SYNE1: variants seen among roughly 807,000 people sequenced by gnomAD.
SYNE1 encodes the protein spectrin repeat containing nuclear envelope protein 1, also known as nesprin-1.
Under a neutral mutation model 1,111.0 loss-of-function variants are expected in SYNE1, and 616 were observed. The ratio of observed to expected loss-of-function variants is 0.55; its 90% CI spans 0.52 to 0.59. The LOEUF (loss-of-function observed/expected upper bound fraction) is 0.59, where lower values mean the gene tolerates loss of function less well. Ranked by LOEUF, SYNE1 falls within the 20% of genes least tolerant of loss-of-function variation. The pLI, the probability that SYNE1 is intolerant of heterozygous loss-of-function variation, is 0.00. For synonymous variants in SYNE1, 3,855 were observed against 3,825.8 expected, an observed-to-expected ratio of 1.01 and a Z score of -0.28; for missense variants, 10,006 against 10,417.0, an observed-to-expected ratio of 0.96 and a Z score of 1.72.
intron 95 of SYNE1, among the ~76,000 whole-genome samples, chr6:152,284,880 G>A (rs944100107): frequency 1.3e-5 from 2 of 151,864 alleles, no homozygotes; most frequent in Non-Finnish European, 2.9e-5. Flanking sequence ...AAACTCACAT[G>A]GTTTCTCACA....
intron 58 of SYNE1, among the ~76,000 whole-genome samples, chr6:152,373,529 C>G (rs1563480885): frequency 6.6e-6 from 1 of 152,114 alleles, no homozygotes; most frequent in Non-Finnish European, 1.5e-5. Context: ...ATCTGCCCAC[C>G]TTGGCATCCC....
chr6:152,286,343 G>C (rs1274000570), intron 95 of SYNE1, among the ~76,000 whole-genome samples: 3 of 152,072 alleles, frequency 2.0e-5, no homozygotes, highest in African/African-American at 7.2e-5. Flanking sequence ...AATATCAGGG[G>C]ACTTTGGCCC....
Position 152,352,090 on chromosome 6 carries a change from T to C in SYNE1, c.11517A>G (p.Leu3839=), listed in dbSNP as rs1186721634. ...TQWIAEYQEI[L]HVPEEPKMEL... ...CCATTTTGGGTTCTTCAGGAACATGTAGAATTTCCTGGTATTCTGCTATCC... is the reference window on the plus strand; with the variant it reads ...CCATTTTGGGTTCTTCAGGAACATGCAGAATTTCCTGGTATTCTGCTATCC... The change falls in exon 70 of 146, where the codon CTA becomes CTG. Residue 3839 remains leucine, a synonymous_variant. Coordinates refer to ENST00000367255, the MANE Select transcript of SYNE1 (RefSeq NM_182961.4). 6.2e-7 allele frequency: 1 copy of C among 1,614,122 alleles called. No homozygotes were observed. The highest frequency in any genetic ancestry group is 1.7e-5 in the Admixed American group (1 of 60,004).
At position 152,348,212 on chromosome 6, in the gene SYNE1, T is replaced by C. The variant is rs114504433; in HGVS notation, c.11902-977A>G. Among the ~76,000 whole-genome samples the C allele has an allele frequency of 3.1e-3, 472 of 152,286 alleles. 4 individuals carry two copies. The highest frequency in any genetic ancestry group is 0.011 in the African/African-American group (459 of 41,568). On this transcript the variant is annotated intron_variant, in intron 72 of 145. Transcript: ENST00000367255. Reference sequence around the variant, plus strand: ...TAAGCCTGACGAATGTGTATTATCATTGTTTTATAGATGAGGAAACTGAAT... The same window carrying C: ...TAAGCCTGACGAATGTGTATTATCACTGTTTTATAGATGAGGAAACTGAAT...
chr6:152,458,700 C>A, intron 22 of SYNE1, 57 bp downstream of exon 22: 1 of 1,575,784 alleles, frequency 6.3e-7, no homozygotes, highest in African/African-American at 1.3e-5. Flanking sequence ...TAAGCAACAC[C>A]CTGGTCTTGT....
intron 3 of SYNE1, among the ~76,000 whole-genome samples, chr6:152,591,370 T>C (rs9478340): frequency 0.038 from 5,765 of 152,138 alleles, 370 homozygotes; most frequent in African/African-American, 0.13. Flanking sequence ...CCTACAACCA[T>C]CTGATCTTCA....
chr6:152,607,361 C>A (rs185367814), intron 3 of SYNE1, among the ~76,000 whole-genome samples: 5 of 152,072 alleles, frequency 3.3e-5, no homozygotes, highest in Non-Finnish European at 5.9e-5. Context: ...GTAAGGAAGT[C>A]CTATAGAAAA....
At position 152,302,211 on chromosome 6, in the gene SYNE1, G is replaced by C. The variant is rs1365348507; in HGVS notation, c.17347-148C>G. 5 of 1,044,946 alleles carry C rather than the reference G, an allele frequency of 4.8e-6. No individual in the cohort carries two copies. The Admixed American group carries it at 9.9e-5, about 21-fold the overall frequency. The allele number at this position is 1,044,946 out of a possible 1,614,324, so 64.7% of individuals were successfully genotyped here. A position where few individuals can be genotyped will look rare whatever the true frequency, so the allele number is the denominator to read the frequency against. ...GGATGTGTAGGCGGCGAGTCCTCCT[G>C]CATCTCGCTACCGAGCCAGACCGCA... On this transcript the variant is annotated intron_variant, in intron 91 of 145. Transcript: ENST00000367255.
At chr6:152,144,762 T>G (rs954887330) in intron 137 of SYNE1, 2 of 153,158 alleles carry the variant, frequency 1.3e-5, no homozygotes, top group Admixed American at 1.3e-4. Flanking sequence ...ATCACTGCGT[T>G]CAAACTCTAT....
chr6:152,299,861 A>G lies in SYNE1; in HGVS notation c.17682+780T>C, dbSNP rs147532703. Reference sequence around the variant, plus strand: ...CATATCAACTTCTTTGAAAAAATGTAATTTCATAGAATAGTTTACATTTTT... The same window carrying G: ...CATATCAACTTCTTTGAAAAAATGTGATTTCATAGAATAGTTTACATTTTT... On this transcript the variant is annotated intron_variant, in intron 93 of 145. Transcript: ENST00000367255. Among the ~76,000 whole-genome samples, 847 of 152,306 alleles carry G rather than the reference A, an allele frequency of 5.6e-3. 9 individuals carry two copies. The highest frequency in any genetic ancestry group is 0.02 in the African/African-American group (821 of 41,564).
chr6:152,534,210 A>C (rs560731361), intron 4 of SYNE1, among the ~76,000 whole-genome samples: 1 of 151,972 alleles, frequency 6.6e-6, no homozygotes, highest in Non-Finnish European at 1.5e-5. Flanking sequence ...ATGAATAAAT[A>C]AATAAATAAA....
intron 75 of SYNE1, among the ~76,000 whole-genome samples, chr6:152,338,659 T>C (rs544155032): frequency 1.6e-4 from 25 of 152,110 alleles, no homozygotes; most frequent in South Asian, 8.3e-4. Context: ...CAAACCCAAA[T>C]GTGTTTCATG....
chr6:152,428,287 G>C lies in SYNE1; in HGVS notation c.4894C>G (p.Leu1632Val), dbSNP rs933796075. 2 of 1,614,124 alleles carry C rather than the reference G, an allele frequency of 1.2e-6. No individual in the cohort carries two copies. Among genetic ancestry groups the C allele is most frequent in the South Asian group, 2.2e-5 (2 of 91,076 alleles). ...AGGATGTCCTCGTATTGCTGCTGTA[G>C]AGCCGCAGCCTCCTGAACACAGGAA... ...RDSCVQEAAALQQQYEDILRR... is the reference protein window; with the variant it reads ...RDSCVQEAAAVQQQYEDILRR... Residue 1632 changes from leucine to valine, a missense_variant, in exon 37 of 146, where the codon CTA (leucine) becomes GTA (valine). Physicochemically the swap from Leu to Val is conservative, Grantham distance 32. Around this residue, in one of 7 missense-constraint regions of SYNE1, gnomAD observed 1,971 missense variants for 2,084.1 expected, o/e 0.95. Transcript: ENST00000367255.
intron 107 of SYNE1, among the ~76,000 whole-genome samples, chr6:152,240,344 G>A (rs562560749): frequency 5.3e-5 from 8 of 152,122 alleles, no homozygotes; most frequent in Non-Finnish European, 1.2e-4. Flanking sequence ...CTTCCTCCAT[G>A]GCTGGGCTTG....
At chr6:152,540,392 A>T (rs2623987) in intron 3 of SYNE1, among the ~76,000 whole-genome samples, 33,347 of 152,142 alleles carry the variant, frequency 0.22, 3,762 homozygotes, top group Middle Eastern at 0.32. Context: ...TGAATAGGGC[A>T]AGGTCCCTGC....
At chr6:152,568,601 C>A (rs1454585991) in intron 3 of SYNE1, among the ~76,000 whole-genome samples, 1 of 152,048 alleles carries the variant, frequency 6.6e-6, no homozygotes, top group African/African-American at 2.4e-5. Context: ...CTGCACCTGG[C>A]CTATTTATTT....
intron 32 of SYNE1, among the ~76,000 whole-genome samples, chr6:152,438,015 A>G (rs536977377): frequency 1.4e-4 from 22 of 152,370 alleles, no homozygotes; most frequent in African/African-American, 4.1e-4. Context: ...CTCTGTCTCA[A>G]AAAAGAAGAA....
At position 152,352,166 on chromosome 6, in the gene SYNE1, C is replaced by T. The variant is rs1356853268; in HGVS notation, c.11441G>A (p.Gly3814Asp). Residue 3814 changes from glycine to aspartate, a missense_variant, in exon 70 of 146, where the codon GGT (glycine) becomes GAT (aspartate). Physicochemically the swap from Gly to Asp is moderately conservative, Grantham distance 94. Coordinates refer to ENST00000367255, the MANE Select transcript of SYNE1 (RefSeq NM_182961.4). ...VRKEHMTLEK[G>D]LHLAKEFSDK... ...TGAGAATTCCTTTGCTAAATGAAGA[C>T]CTTTTTCCAGCGTCATGTGTTCTTT... 1 of 1,614,216 alleles carries T rather than the reference C, an allele frequency of 6.2e-7. No homozygotes were observed. The highest frequency in any genetic ancestry group is 1.7e-5 in the Admixed American group (1 of 60,028).
At chr6:152,636,585 CCTCTCCCTGTCTCTGT>C (rs2099706264) in intron 2 of SYNE1, 37 bp downstream of exon 2, 1 of 152,954 alleles carries the variant, frequency 6.5e-6, no homozygotes, top group African/African-American at 2.4e-5. Flanking sequence ...ACCTCTCTCT[CCTCTCCCTGTCTCTGT>C]CTCTCCCTGT....
Sources: allele counts gnomAD v4.1 joint callset (sites outside exome capture counted in the v4.1 genomes callset), GRCh38; gene constraint gnomAD v4.1.1; regional missense constraint gnomAD v4.1.1; transcripts MANE v1.5; gene names NCBI Gene and HGNC (gene_info 2026-07-23, HGNC 2026-07-21).